The following SLC4A10 variants were observed in gnomAD, a reference collection of about 807,000 sequenced individuals.
The protein encoded by SLC4A10 is sodium-driven chloride bicarbonate exchanger.
SLC4A10 carries 42 observed loss-of-function variants against 137.7 expected under a neutral mutation model. The observed-to-expected ratio is 0.30, with a 90% CI of 0.24 to 0.39. The LOEUF is 0.39. Among genes scored for constraint, SLC4A10 ranks in the 10% least tolerant of loss-of-function variants. SLC4A10 has a pLI of 1.00. For synonymous variants in SLC4A10, 474 were observed against 464.1 expected, an observed-to-expected ratio of 1.02 and a Z score of -0.27; for missense variants, 925 against 1,355.0, an observed-to-expected ratio of 0.68 and a Z score of 4.98.
At chr2:161,916,299 A>T (rs1004695210) in intron 15 of SLC4A10, among the ~76,000 whole-genome samples, 20 of 152,214 alleles carry the variant, frequency 1.3e-4, no homozygotes, top group African/African-American at 4.1e-4. Flanking sequence ...CAGACTAAAA[A>T]ATCATGGATT....
At chr2:161,767,632 T>G (rs2051057026) in intron 1 of SLC4A10, among the ~76,000 whole-genome samples, 1 of 151,986 alleles carries the variant, frequency 6.6e-6, no homozygotes, top group South Asian at 2.1e-4. Flanking sequence ...TCTCTTACAA[T>G]CCTTTGCCTT....
chr2:161,894,200 T>A (rs1380164425), intron 10 of SLC4A10, among the ~76,000 whole-genome samples: 1 of 152,104 alleles, frequency 6.6e-6, no homozygotes, highest in African/African-American at 2.4e-5. Context: ...GGAATGACTA[T>A]ATATCCAGAA....
chr2:161,831,954 G>A (rs1436155519), intron 3 of SLC4A10, among the ~76,000 whole-genome samples: 1 of 152,092 alleles, frequency 6.6e-6, no homozygotes, highest in African/African-American at 2.4e-5. Context: ...GTGCCTTTGT[G>A]CCTGTCTGTC....
In SLC4A10 at chr2:161,839,812, T is replaced by A; in HGVS notation, c.301T>A (p.Phe101Ile). 6.2e-7 allele frequency: 1 copy of A among 1,613,756 alleles called. No homozygotes were observed. Among genetic ancestry groups the A allele is most frequent in the East Asian group, 2.2e-5 (1 of 44,864 alleles). ...AGACACCCCATCACAGAGGGTACAG[T>A]TTATTCTTGGAACCGAGGATGATGA... is the stretch of plus-strand genomic sequence containing the variant. The part of the protein sequence containing the change: ...SFDTPSQRVQ[F>I]ILGTEDDDEE... Residue 101 changes from phenylalanine (F) to isoleucine (I), a missense_variant, in exon 4 of 27, where the codon TTT becomes ATT. By Grantham distance (21) the Phe-to-Ile change is conservative. Around this residue, in one of 11 missense-constraint regions of SLC4A10, gnomAD observed 138 missense variants for 171.3 expected, o/e 0.81. Transcript: ENST00000446997.
chr2:161,978,821 A>G (rs1382478180), intron 26 of SLC4A10, among the ~76,000 whole-genome samples: 3 of 152,206 alleles, frequency 2.0e-5, no homozygotes, highest in Non-Finnish European at 2.9e-5. Context: ...TTTCTGTCTT[A>G]ATAGGACTTT....
At chr2:161,928,920 A>G (rs1342795255) in intron 15 of SLC4A10, among the ~76,000 whole-genome samples, 1 of 152,230 alleles carries the variant, frequency 6.6e-6, no homozygotes, top group African/African-American at 2.4e-5. Flanking sequence ...GGAGGTATTC[A>G]CATATCTACG....
chr2:161,681,991 G>A (rs2040906091), intron 1 of SLC4A10, among the ~76,000 whole-genome samples: 1 of 151,876 alleles, frequency 6.6e-6, no homozygotes, highest in South Asian at 2.1e-4. Flanking sequence ...TTTTGCTTTT[G>A]ACTTTTGAGA....
chr2:161,842,546 CTT>C (rs2059247591), intron 4 of SLC4A10, among the ~76,000 whole-genome samples: 1 of 151,908 alleles, frequency 6.6e-6, no homozygotes, highest in African/African-American at 2.4e-5. Context: ...TTTTGGAACA[CTT>C]TAAATTGGTG....
rs551190272 is a variant in SLC4A10, at chr2:161,865,707, A to G, written c.766+2645A>G. Among the ~76,000 whole-genome samples the G allele has an allele frequency of 2.6e-5, 4 of 152,172 alleles. No individual in the cohort carries two copies. In the South Asian group the frequency reaches 8.3e-4, roughly 32 times the overall value. On this transcript the variant is annotated intron_variant, in intron 6 of 26. Transcript: ENST00000446997. The stretch of plus-strand genomic sequence containing the variant: ...CTCCTACCCAAAAGTGAAAAAAAGT[A>G]CAAAAGACCTTTACTGCTAAGGTTC...
In SLC4A10 at chr2:161,952,683, C is replaced by T. The variant is rs189515351; in HGVS notation, c.2541+1835C>T. 3.3e-5 allele frequency among the ~76,000 whole-genome samples: 5 copies of T among 152,256 alleles called. No individual in the cohort carries two copies. The East Asian group carries it at 9.7e-4, about 29-fold the overall frequency. On this transcript the variant is annotated intron_variant, in intron 19 of 26. Coordinates refer to ENST00000446997, the MANE Select transcript of SLC4A10 (RefSeq NM_001178015.2). ...TGTTCTTGGCCACTGTGAATCTGAA[C>T]TCTCCATCCTCCTTCTTAGATATGA...
At chr2:161,929,646 G>A (rs1003494329) in intron 15 of SLC4A10, among the ~76,000 whole-genome samples, 21 of 152,258 alleles carry the variant, frequency 1.4e-4, no homozygotes, top group African/African-American at 4.8e-4. Flanking sequence ...TGTTTAGTTA[G>A]TTGGGATTCC....
intron 18 of SLC4A10, 39 bp downstream of exon 18, chr2:161,949,300 T>G (rs756843560): frequency 7.5e-7 from 1 of 1,333,720 alleles, no homozygotes; most frequent in Non-Finnish European, 1.1e-6. Context: ...TCTCTCTCGG[T>G]CTAATCTTCA....
rs142714727 is a variant in SLC4A10, at chr2:161,743,221, A to G, written c.49-27752A>G. On this transcript the variant is annotated intron_variant, in intron 1 of 26. Transcript: ENST00000446997. ...ACTGATGTCCTGGAGAGTTTCCACA[A>G]TGTTTTCTTTTAGTAGTTTCATAGT... is the stretch of plus-strand genomic sequence containing the variant. Among the ~76,000 whole-genome samples the G allele has an allele frequency of 5.8e-3, 882 of 152,246 alleles. 5 individuals carry two copies. Among genetic ancestry groups the G allele is most frequent in the South Asian group, 1.0e-2 (48 of 4,822 alleles).
At position 161,958,528 on chromosome 2, in the gene SLC4A10, G is replaced by A. The variant is rs762348408; in HGVS notation, c.2835G>A (p.Met945Ile). 1 of 1,610,488 alleles carries A rather than the reference G, an allele frequency of 6.2e-7. No homozygotes were observed. The highest frequency in any genetic ancestry group is 8.5e-7 in the Non-Finnish European group (1 of 1,178,200). ...MPVLYGVFLY[M>I]GASSLKGIQF... Reference sequence around the variant, plus strand: ...TGCTATATGGAGTGTTTCTTTATATGGGTGCTTCATCTCTAAAGGGAATTC... The same window carrying A: ...TGCTATATGGAGTGTTTCTTTATATAGGTGCTTCATCTCTAAAGGGAATTC... The change falls in exon 21 of 27, where the codon ATG (methionine) becomes ATA (isoleucine). Residue 945 changes from methionine (M) to isoleucine (I), a missense_variant. Met to Ile is a conservative substitution (Grantham distance 10, BLOSUM62 1). This residue lies in a region of SLC4A10 where 115 missense variants were observed against 237.5 expected (regional missense o/e 0.48). Coordinates refer to ENST00000446997, the MANE Select transcript of SLC4A10 (RefSeq NM_001178015.2).
intron 15 of SLC4A10, among the ~76,000 whole-genome samples, chr2:161,933,778 A>G (rs10930037): frequency 0.26 from 39,748 of 152,128 alleles, 5,611 homozygotes; most frequent in Admixed American, 0.37. Flanking sequence ...AATAAATGCT[A>G]CAGTGAACAT....
At chr2:161,805,853 G>C (rs1464292300) in intron 3 of SLC4A10, among the ~76,000 whole-genome samples, 1 of 152,178 alleles carries the variant, frequency 6.6e-6, no homozygotes, top group Admixed American at 6.5e-5. Flanking sequence ...GAGGACAGTG[G>C]CCCTTTTCTC....
At chr2:161,878,594 A>G (rs1244300240) in intron 8 of SLC4A10, among the ~76,000 whole-genome samples, 1 of 152,096 alleles carries the variant, frequency 6.6e-6, no homozygotes. Context: ...TGAAAAACCA[A>G]TATTGAAGAA....
intron 1 of SLC4A10, among the ~76,000 whole-genome samples, chr2:161,675,759 T>C (rs1236637995): frequency 6.6e-6 from 1 of 152,212 alleles, no homozygotes; most frequent in Non-Finnish European, 1.5e-5. Flanking sequence ...AGTTAATAGT[T>C]CATTTATAAA....
intron 26 of SLC4A10, among the ~76,000 whole-genome samples, chr2:161,981,344 A>T (rs1055497656): frequency 1.3e-5 from 2 of 152,254 alleles, no homozygotes; most frequent in African/African-American, 4.8e-5. Context: ...CTTTCAAAAA[A>T]TAAGAGTTCA....
Sources: allele counts gnomAD v4.1 joint callset (sites outside exome capture counted in the v4.1 genomes callset), GRCh38; gene constraint gnomAD v4.1.1; regional missense constraint gnomAD v4.1.1; transcripts MANE v1.5; gene names NCBI Gene and HGNC (gene_info 2026-07-23, HGNC 2026-07-21).